The following SLC8A1 variants were observed in gnomAD, a reference collection of about 807,000 sequenced individuals.
SLC8A1 encodes the protein solute carrier family 8 member A1.
Under a neutral mutation model 68.3 loss-of-function variants are expected in SLC8A1, and 18 were observed. The observed-to-expected ratio is 0.26, with a 90% CI of 0.18 to 0.39. The LOEUF (loss-of-function observed/expected upper bound fraction) is 0.39, where lower values mean the gene tolerates loss of function less well. SLC8A1 is among the 10% of genes least tolerant of loss of function. The pLI is 1.00. For synonymous variants in SLC8A1, 475 were observed against 415.5 expected, an observed-to-expected ratio of 1.14 and a Z score of -1.74; for missense variants, 985 against 1,156.7, an observed-to-expected ratio of 0.85 and a Z score of 2.15.
intron 4 of SLC8A1, among the ~76,000 whole-genome samples, chr2:40,166,663 T>C (rs920279899): frequency 6.6e-6 from 1 of 152,226 alleles, no homozygotes; most frequent in African/African-American, 2.4e-5. Context: ...AAATTATGTA[T>C]GTCTAGTCAA....
chr2:40,322,007 G>C (rs2075259939), intron 2 of SLC8A1, among the ~76,000 whole-genome samples: 1 of 152,210 alleles, frequency 6.6e-6, no homozygotes, highest in African/African-American at 2.4e-5. Flanking sequence ...CTAAGCAAAT[G>C]GAAAGGCCTA....
chr2:40,360,649 C>A (rs1035974609), intron 2 of SLC8A1, among the ~76,000 whole-genome samples: 42 of 152,170 alleles, frequency 2.8e-4, no homozygotes, highest in African/African-American at 9.7e-4. Flanking sequence ...CTGAGGCATA[C>A]AGAGGTTGAG....
intron 2 of SLC8A1, among the ~76,000 whole-genome samples, chr2:40,231,044 G>A (rs1176768686): frequency 6.6e-6 from 1 of 152,140 alleles, no homozygotes; most frequent in Non-Finnish European, 1.5e-5. Flanking sequence ...CCTCTCCTAG[G>A]CCTTGCTTGA....
At chr2:40,480,963 C>G (rs1704588118) in intron 1 of SLC8A1, among the ~76,000 whole-genome samples, 1 of 152,132 alleles carries the variant, frequency 6.6e-6, no homozygotes, top group Admixed American at 6.6e-5. Context: ...TATAAAAGAT[C>G]ATAACCACAA....
intron 2 of SLC8A1, among the ~76,000 whole-genome samples, chr2:40,200,014 C>G (rs2053826944): frequency 6.8e-6 from 1 of 147,284 alleles, no homozygotes; most frequent in Non-Finnish European, 1.5e-5. Flanking sequence ...ACTAATGCTC[C>G]TTTGTATACT....
At chr2:40,487,972 T>G (rs1488752184) in intron 1 of SLC8A1, among the ~76,000 whole-genome samples, 1 of 152,152 alleles carries the variant, frequency 6.6e-6, no homozygotes, top group Admixed American at 6.6e-5. Flanking sequence ...GGAAAGAGAA[T>G]TTTAAAAATA....
At chr2:40,202,313 G>A (rs1397147229) in intron 2 of SLC8A1, among the ~76,000 whole-genome samples, 1 of 151,858 alleles carries the variant, frequency 6.6e-6, no homozygotes, top group Non-Finnish European at 1.5e-5. Flanking sequence ...TAGCTGTTAG[G>A]ACACCCCTTC....
At chr2:40,194,622 G>A (rs186420464) in intron 2 of SLC8A1, among the ~76,000 whole-genome samples, 1 of 151,932 alleles carries the variant, frequency 6.6e-6, no homozygotes, top group Non-Finnish European at 1.5e-5. Flanking sequence ...GGCAAATGAG[G>A]TCTAAAAAGA....
intron 2 of SLC8A1, among the ~76,000 whole-genome samples, chr2:40,263,227 T>C (rs1290761073): frequency 6.6e-6 from 1 of 152,208 alleles, no homozygotes; most frequent in Non-Finnish European, 1.5e-5. Context: ...ACCTGCAGAA[T>C]GGCAATAATA....
At chr2:40,129,717 C>A (rs1219575460) in intron 7 of SLC8A1, among the ~76,000 whole-genome samples, 1 of 152,196 alleles carries the variant, frequency 6.6e-6, no homozygotes, top group Non-Finnish European at 1.5e-5. Context: ...ATAACACATG[C>A]ATAACACCAA....
At chr2:40,506,706 T>A (rs1706393557) in intron 1 of SLC8A1, among the ~76,000 whole-genome samples, 1 of 151,994 alleles carries the variant, frequency 6.6e-6, no homozygotes, top group African/African-American at 2.4e-5. Flanking sequence ...TAGTTGTTTT[T>A]CCTTTCCCCT....
At chr2:40,261,912 T>C (rs572785461) in intron 2 of SLC8A1, among the ~76,000 whole-genome samples, 51 of 152,250 alleles carry the variant, frequency 3.3e-4, no homozygotes, top group African/African-American at 1.0e-3. Context: ...AGTACCTGTG[T>C]AATATTTGCT....
intron 2 of SLC8A1, among the ~76,000 whole-genome samples, chr2:40,394,375 A>T (rs1301370370): frequency 6.6e-6 from 1 of 152,002 alleles, no homozygotes; most frequent in Non-Finnish European, 1.5e-5. Flanking sequence ...TGGATTCATC[A>T]GGGCACTGAA....
chr2:40,402,778 G>T (rs966844361), intron 2 of SLC8A1, among the ~76,000 whole-genome samples: 2 of 152,188 alleles, frequency 1.3e-5, no homozygotes, highest in Non-Finnish European at 2.9e-5. Context: ...TAAAAGGAAA[G>T]CTTGCAAGTG....
chr2:40,447,003 C>T (rs932177183), intron 1 of SLC8A1, among the ~76,000 whole-genome samples: 2 of 152,190 alleles, frequency 1.3e-5, no homozygotes, highest in Non-Finnish European at 2.9e-5. Flanking sequence ...TTGACTTGCT[C>T]TCACATTGGA....
intron 2 of SLC8A1, among the ~76,000 whole-genome samples, chr2:40,263,918 C>G (rs551415470): frequency 1.3e-5 from 2 of 152,290 alleles, no homozygotes; most frequent in South Asian, 4.1e-4. Flanking sequence ...AGGCAACCTA[C>G]AGAATGGCAG....
intron 2 of SLC8A1, among the ~76,000 whole-genome samples, chr2:40,198,838 G>A (rs774256436): frequency 4.6e-5 from 7 of 151,456 alleles, no homozygotes; most frequent in Non-Finnish European, 1.0e-4. Flanking sequence ...TCAATTGTCA[G>A]ACCCTTTCCC....
At chr2:40,325,058 G>C (rs1332685412) in intron 2 of SLC8A1, among the ~76,000 whole-genome samples, 2 of 151,702 alleles carry the variant, frequency 1.3e-5, no homozygotes, top group South Asian at 4.2e-4. Flanking sequence ...CCTTAATAAT[G>C]ATCCAATTTA....
rs151258230 is a variant in SLC8A1, at chr2:40,385,895, T to C, written c.1808+42578A>G. Reference sequence around the variant, plus strand: ...CACAAAATGATAATCCACTTGATGATAGAATATTATTCCACCACTACAAAG... The same window carrying C: ...CACAAAATGATAATCCACTTGATGACAGAATATTATTCCACCACTACAAAG... On this transcript the variant is annotated intron_variant, in intron 2 of 7. Coordinates refer to ENST00000406785, the Ensembl canonical transcript of SLC8A1. Among the ~76,000 whole-genome samples the C allele has an allele frequency of 4.6e-3, 690 of 151,466 alleles. 10 individuals are homozygous for C. The highest frequency in any genetic ancestry group is 0.01 in the Middle Eastern group (3 of 294).
Sources: allele counts gnomAD v4.1 joint callset (sites outside exome capture counted in the v4.1 genomes callset), GRCh38; gene constraint gnomAD v4.1.1; transcripts MANE v1.5; gene names NCBI Gene and HGNC (gene_info 2026-07-23, HGNC 2026-07-21).